The following CSMD2 variants were observed in gnomAD, a reference collection of about 807,000 sequenced individuals.
CSMD2 encodes CUB and Sushi multiple domains 2.
In CSMD2, 130 loss-of-function variants were observed where a neutral mutation model predicts 398.5. The ratio of observed to expected loss-of-function variants is 0.33; its 90% confidence interval spans 0.28 to 0.38. The LOEUF is 0.38. Ranked by LOEUF, CSMD2 falls within the 10% of genes least tolerant of loss-of-function variation. The pLI is 1.00. For synonymous variants in CSMD2, 1,828 were observed against 1,908.5 expected (o/e 0.96, Z 1.10); for missense variants, 3,829 against 4,764.9 (o/e 0.80, Z 5.78).
chr1:33,765,250 T>C (rs1324193540), intron 13 of CSMD2, among the ~76,000 whole-genome samples: 1 of 152,120 alleles, frequency 6.6e-6, no homozygotes, highest in Non-Finnish European at 1.5e-5. Context: ...CAGATGAGAA[T>C]AACAATGAAT....
In CSMD2 at chr1:33,554,937, C is replaced by G. The variant is rs530517407; in HGVS notation, c.8743+2797G>C. On this transcript the variant is annotated intron_variant, in intron 55 of 70. Coordinates refer to ENST00000373381, the MANE Select transcript of CSMD2 (RefSeq NM_001281956.2). ...GTCTGCTAACACAACATCCATTCTG[C>G]AGCCCATGGATCAAGAAATAATTTT... 7.0e-4 allele frequency among the ~76,000 whole-genome samples: 107 copies of G among 152,264 alleles called. 1 individual carries two copies. Among genetic ancestry groups the G allele is most frequent in the Middle Eastern group, 6.8e-3 (2 of 294 alleles).
intron 27 of CSMD2, 136 bp downstream of exon 27, chr1:33,657,810 A>G: frequency 2.5e-6 from 2 of 795,036 alleles, no homozygotes; most frequent in South Asian, 3.5e-5. Context: ...CAGGGTAAAC[A>G]ATGGGTTTTC....
At chr1:33,678,269 GCT>G (rs1283714834) in intron 25 of CSMD2, among the ~76,000 whole-genome samples, 1 of 148,128 alleles carries the variant, frequency 6.8e-6, no homozygotes, top group Non-Finnish European at 1.5e-5. Flanking sequence ...TTCTTGTACA[GCT>G]TGTAGAACCA....
At chr1:34,071,164 T>A (rs1187267972) in intron 2 of CSMD2, among the ~76,000 whole-genome samples, 1 of 152,226 alleles carries the variant, frequency 6.6e-6, no homozygotes, top group Non-Finnish European at 1.5e-5. Flanking sequence ...GACTGCCAGG[T>A]GCAGAGGAGC....
chr1:33,998,565 C>T (rs1646799505), intron 3 of CSMD2, among the ~76,000 whole-genome samples: 1 of 152,236 alleles, frequency 6.6e-6, no homozygotes, highest in Non-Finnish European at 1.5e-5. Context: ...GCTGCTCAGA[C>T]TGCAGCCTGC....
chr1:33,938,238 A>G (rs1644540267), intron 3 of CSMD2, among the ~76,000 whole-genome samples: 1 of 152,208 alleles, frequency 6.6e-6, no homozygotes, highest in African/African-American at 2.4e-5. Context: ...AGCATTTCCC[A>G]TGATCCCACA....
intron 2 of CSMD2, among the ~76,000 whole-genome samples, chr1:34,062,677 G>A (rs2148268295): frequency 6.6e-6 from 1 of 152,350 alleles, no homozygotes; most frequent in South Asian, 2.1e-4. Flanking sequence ...ATCTGTGGCT[G>A]AACCTGGCTC....
Position 33,714,678 on chromosome 1 carries a change from G to A in CSMD2, c.3315C>T (p.Cys1105=), listed in dbSNP as rs1169408856. ...TGCCCTCCAGACGGTACCCGGGGAA[G>A]CAGGAGAAGGTCAAGGTGTCGCCCA... ...FGVGDTLTFS[C]FPGYRLEGTA... Residue 1105 remains cysteine (C), a synonymous_variant, in exon 21 of 71, where the codon TGC becomes TGT. Transcript: ENST00000373381. The A allele has an allele frequency of 6.2e-7, 1 of 1,614,078 alleles. No individual in the cohort carries two copies.
intron 3 of CSMD2, among the ~76,000 whole-genome samples, chr1:33,950,301 C>A (rs1644962431): frequency 6.6e-6 from 1 of 152,012 alleles, no homozygotes; most frequent in South Asian, 2.1e-4. Context: ...GCTAGCCCCA[C>A]CCATGTCTCC....
chr1:33,980,422 T>A (rs1334314252), intron 3 of CSMD2, among the ~76,000 whole-genome samples: 3 of 152,152 alleles, frequency 2.0e-5, no homozygotes, highest in Non-Finnish European at 4.4e-5. Flanking sequence ...ACTGGCTGAA[T>A]GAAGGAAAGA....
intron 1 of CSMD2, among the ~76,000 whole-genome samples, chr1:34,112,497 T>C (rs938589771): frequency 6.6e-6 from 1 of 152,208 alleles, no homozygotes; most frequent in Non-Finnish European, 1.5e-5. Context: ...CAGAGTTATG[T>C]GAATGAATGT....
chr1:34,025,501 C>T (rs1441689705), intron 3 of CSMD2, among the ~76,000 whole-genome samples: 1 of 152,122 alleles, frequency 6.6e-6, no homozygotes, highest in Admixed American at 6.5e-5. Context: ...TTTAGGTGAA[C>T]TAGGGGATCG....
chr1:33,763,000 G>T (rs981891751), intron 13 of CSMD2, among the ~76,000 whole-genome samples: 1 of 152,088 alleles, frequency 6.6e-6, no homozygotes, highest in African/African-American at 2.4e-5. Flanking sequence ...ACATCCCACG[G>T]ACCCTGGGAG....
intron 25 of CSMD2, among the ~76,000 whole-genome samples, chr1:33,690,302 C>T (rs1428160755): frequency 6.6e-6 from 1 of 152,176 alleles, no homozygotes; most frequent in Non-Finnish European, 1.5e-5. Context: ...TACCCTCCCA[C>T]CCACCTTCCT....
In CSMD2 at chr1:33,935,961, G is replaced by A. The variant is rs1644466826; in HGVS notation, c.518-7C>T. On this transcript the variant is annotated splice_region_variant and splice_polypyrimidine_tract_variant and intron_variant, in intron 3 of 70. Transcript: ENST00000373381. ...CATGTGTGGCTGGGGAGAACTGTGA[G>A]GAGAAACAGAGAAAGAGACGGGTAC... 6.2e-7 allele frequency: 1 copy of A among 1,602,360 alleles called. No homozygotes were observed. The highest frequency in any genetic ancestry group is 8.5e-7 in the Non-Finnish European group (1 of 1,174,464).
intron 39 of CSMD2, among the ~76,000 whole-genome samples, chr1:33,616,246 T>G (rs1465952887): frequency 6.9e-6 from 1 of 144,128 alleles, no homozygotes; most frequent in Non-Finnish European, 1.6e-5. Flanking sequence ...TTGTCTTTCG[T>G]TTTTTTTTTG....
At chr1:33,928,757 T>C (rs1644211790) in intron 4 of CSMD2, among the ~76,000 whole-genome samples, 1 of 152,222 alleles carries the variant, frequency 6.6e-6, no homozygotes, top group Non-Finnish European at 1.5e-5. Flanking sequence ...TGGGTAGCTG[T>C]GGTCGCTGTT....
In CSMD2 at chr1:33,635,220, C is replaced by G. The variant is rs751874088; in HGVS notation, c.5080G>C (p.Asp1694His). ...ICLYFVTVPK[D>H]YVVFGQFAFF... ...CAACAACCAAAACCCATACCATAGT[C>G]CTTGGGCACAGTAACAAAATACAAG... The change falls in exon 31 of 71, where the codon GAC becomes CAC. Residue 1694 changes from aspartate (D) to histidine (H), a missense_variant. Coordinates refer to ENST00000373381, the MANE Select transcript of CSMD2 (RefSeq NM_001281956.2). This position sits in a 1 kb window ranked among gnomAD's most constrained non-coding sequence, Gnocchi z 5.0. 13 of 1,605,018 alleles carry G rather than the reference C, an allele frequency of 8.1e-6. No individual in the cohort carries two copies. In the South Asian group the frequency reaches 1.4e-4, roughly 18 times the overall value.
intron 1 of CSMD2, among the ~76,000 whole-genome samples, chr1:34,097,450 G>C (rs1242199789): frequency 1.7e-4 from 19 of 113,568 alleles, no homozygotes; most frequent in African/African-American, 2.1e-4. Context: ...CACAGCAAAA[G>C]AAACTACCAT....
Sources: allele counts gnomAD v4.1 joint callset (sites outside exome capture counted in the v4.1 genomes callset), GRCh38; gene constraint gnomAD v4.1.1; non-coding constraint Gnocchi (gnomAD v3.1); transcripts MANE v1.5; gene names NCBI Gene and HGNC (gene_info 2026-07-23, HGNC 2026-07-21).